The following ABI2 variants were observed in gnomAD, a reference collection of about 807,000 sequenced individuals.
ABI2 encodes the protein abl interactor 2.
ABI2 carries 25 observed loss-of-function variants against 59.2 expected under a neutral mutation model. The ratio of observed to expected loss-of-function variants is 0.42; its 90% confidence interval spans 0.31 to 0.59. The LOEUF is 0.59. Among genes scored for constraint, ABI2 ranks in the 20% least tolerant of loss-of-function variants. The pLI is 0.14. For missense variants in ABI2, 545 were observed against 681.8 expected (o/e 0.80, Z 2.23); for synonymous variants, 213 against 235.5 (o/e 0.90, Z 0.87).
At chr2:203,373,450 G>A (rs553648124) in intron 2 of ABI2, among the ~76,000 whole-genome samples, 5 of 152,218 alleles carry the variant, frequency 3.3e-5, no homozygotes, top group African/African-American at 7.2e-5. Context: ...GAGGGAGACC[G>A]TGGAAAGAGA....
chr2:203,366,865 T>C lies in ABI2; in HGVS notation c.118-12T>C. The C allele has an allele frequency of 1.3e-6, 2 of 1,529,004 alleles. No individual in the cohort carries two copies. Among genetic ancestry groups the C allele is most frequent in the Non-Finnish European group, 1.8e-6 (2 of 1,133,186 alleles). 94.7% of individuals were successfully genotyped at this position (1,529,004 alleles called of 1,614,324 possible). ...TTTGAATTAATGATCACTGGTTTGT[T>C]TTTTTTCCCAGTCAGCAGATAAGCA... is the stretch of plus-strand genomic sequence containing the variant. On this transcript the variant is annotated splice_polypyrimidine_tract_variant and intron_variant, in intron 1 of 11. Transcript: ENST00000261018.
rs562753502 is a variant in ABI2, at chr2:203,422,828, T to C, written c.1454-4349T>C. ...AAAACATTTCTTAGAATACATTAAG[T>C]GGTTTAACCAACTCTTCATTGATAG... On this transcript the variant is annotated intron_variant, in intron 11 of 11. Transcript: ENST00000261018. 4.0e-3 allele frequency among the ~76,000 whole-genome samples: 609 copies of C among 152,290 alleles called. 3 individuals are homozygous for C. Among genetic ancestry groups the C allele is most frequent in the African/African-American group, 0.014 (594 of 41,550 alleles).
At chr2:203,378,352 C>T (rs1227671911) in intron 2 of ABI2, among the ~76,000 whole-genome samples, 1 of 152,152 alleles carries the variant, frequency 6.6e-6, no homozygotes, top group African/African-American at 2.4e-5. Flanking sequence ...ACTTTGTGAT[C>T]CGCCCACCTT....
intron 9 of ABI2, among the ~76,000 whole-genome samples, chr2:203,406,205 A>G (rs1445942972): frequency 6.6e-6 from 1 of 152,246 alleles, no homozygotes; most frequent in Non-Finnish European, 1.5e-5. Flanking sequence ...CAAGAAGAAT[A>G]TACATATATC....
At chr2:203,328,743 T>A (rs13011243) in intron 1 of ABI2, 112 bp downstream of exon 1, 1 of 556,012 alleles carries the variant, frequency 1.8e-6, no homozygotes, top group Non-Finnish European at 3.0e-6. Flanking sequence ...GAGCCCCCGA[T>A]GGGGGTGGGG....
At chr2:203,338,937 T>TATATATATATATATATATATATAA (rs2077877871) in intron 1 of ABI2, among the ~76,000 whole-genome samples, 16 of 2,506 alleles carry the variant, frequency 6.4e-3, no homozygotes, top group Admixed American at 0.012. Context: ...TGTATATGTA[T>TATATATATATATATATATATATAA]ATATATATAT....
Position 203,404,033 on chromosome 2 carries a change from G to A in ABI2, c.1192+1299G>A, listed in dbSNP as rs548600806. 1.6e-4 allele frequency among the ~76,000 whole-genome samples: 24 copies of A among 152,134 alleles called. No homozygotes were observed. The South Asian group carries it at 4.8e-3, about 30-fold the overall frequency. ...CTCCCAAAGTGCTGGGATTACAGGC[G>A]TGAGTCACCGTGCCTGGCCTAAGTT... On this transcript the variant is annotated intron_variant, in intron 9 of 11. Coordinates refer to ENST00000261018, the MANE Select transcript of ABI2 (RefSeq NM_001375670.1).
chr2:203,391,338 T>C (rs2096734513), intron 5 of ABI2, among the ~76,000 whole-genome samples, 195 bp downstream of exon 5: 1 of 152,246 alleles, frequency 6.6e-6, no homozygotes, highest in Non-Finnish European at 1.5e-5. Flanking sequence ...AGAAATTGTT[T>C]TTCTAGTGAA....
At chr2:203,345,654 C>G (rs1231735905) in intron 1 of ABI2, among the ~76,000 whole-genome samples, 1 of 151,694 alleles carries the variant, frequency 6.6e-6, no homozygotes, top group Admixed American at 6.6e-5. Flanking sequence ...GGTGATCCAC[C>G]CACCTCGGCC....
At chr2:203,398,006 G>T (rs968473071) in intron 8 of ABI2, among the ~76,000 whole-genome samples, 1 of 152,204 alleles carries the variant, frequency 6.6e-6, no homozygotes, top group African/African-American at 2.4e-5. Flanking sequence ...TTTGGGCAGG[G>T]ACACAGATTC....
intron 10 of ABI2, among the ~76,000 whole-genome samples, chr2:203,416,103 T>G (rs2097881209): frequency 6.6e-6 from 1 of 152,184 alleles, no homozygotes; most frequent in African/African-American, 2.4e-5. Flanking sequence ...AAAAATTCAT[T>G]AAGAGGAAAG....
At chr2:203,411,435 A>T in intron 10 of ABI2, 64 bp downstream of exon 10, 2 of 1,246,896 alleles carry the variant, frequency 1.6e-6, no homozygotes, top group Non-Finnish European at 2.3e-6. Context: ...TTTATATGTG[A>T]TTGACTGGAT....
chr2:203,345,785 A>G (rs939570293), intron 1 of ABI2, among the ~76,000 whole-genome samples: 5 of 151,824 alleles, frequency 3.3e-5, no homozygotes, highest in African/African-American at 2.4e-5. Flanking sequence ...ACCTCAAGTG[A>G]TCCACTGGCC....
chr2:203,375,947 A>T (rs763302630), intron 2 of ABI2: 70 of 774,248 alleles, frequency 9.0e-5, no homozygotes, highest in Non-Finnish European at 1.3e-4. Context: ...ACTGCAGTTC[A>T]ACCCCGTGTG....
At chr2:203,396,059 T>C (rs1027984362) in intron 7 of ABI2, among the ~76,000 whole-genome samples, 4 of 152,320 alleles carry the variant, frequency 2.6e-5, no homozygotes, top group African/African-American at 2.4e-5. Context: ...GCTAGTGTTA[T>C]GACAGTGCAG....
intron 1 of ABI2, among the ~76,000 whole-genome samples, chr2:203,344,614 G>A (rs938675324): frequency 2.6e-5 from 4 of 151,064 alleles, no homozygotes; most frequent in Non-Finnish European, 1.5e-5. Context: ...CCAGGCTGTA[G>A]TACAATGGCA....
chr2:203,350,930 T>G (rs1407184858), intron 1 of ABI2, among the ~76,000 whole-genome samples: 1 of 151,984 alleles, frequency 6.6e-6, no homozygotes, highest in Admixed American at 6.6e-5. Context: ...TATAAGAAAC[T>G]ATTGCCTAAT....
At chr2:203,328,737 C>G in intron 1 of ABI2, 106 bp downstream of exon 1, 9 of 613,224 alleles carry the variant, frequency 1.5e-5, no homozygotes, top group Non-Finnish European at 2.4e-5. Context: ...CCAGCGGAGC[C>G]CCCGATGGGG....
Position 203,427,753 on chromosome 2 carries a change from T to C in ABI2, c.*401T>C, listed in dbSNP as rs1446843273. The C allele has an allele frequency of 6.3e-6, 1 of 159,288 alleles. No individual in the cohort carries two copies. Among genetic ancestry groups the C allele is most frequent in the African/African-American group, 2.4e-5 (1 of 41,660 alleles). 9.9% of individuals were successfully genotyped at this position (159,288 alleles called of 1,614,324 possible). On this transcript the variant is annotated 3_prime_UTR_variant, in exon 12 of 12. Transcript: ENST00000261018. The stretch of plus-strand genomic sequence containing the variant: ...ATTGGATGTTCTTCATTGCCTGTGC[T>C]AAGGGGTTAACCTCATGGCCCAGTG...
Sources: gnomAD v4.1 joint callset for allele counts (sites outside exome capture counted in the v4.1 genomes callset) on GRCh38, gnomAD v4.1.1 for gene constraint, MANE v1.5 for transcripts, NCBI Gene and HGNC (gene_info 2026-07-23, HGNC 2026-07-21) for gene names.